The following CSMD3 variants were observed in gnomAD, a reference collection of about 807,000 sequenced individuals.
CSMD3 encodes CUB and sushi domain-containing protein 3.
In CSMD3, 177 loss-of-function variants were observed where a neutral mutation model predicts 435.2. The observed-to-expected ratio is 0.41, with a 90% CI of 0.36 to 0.46. The LOEUF is 0.46. Ranked by LOEUF, CSMD3 falls within the 20% of genes least tolerant of loss-of-function variation. The pLI is 0.34. For synonymous variants in CSMD3, 1,656 were observed against 1,520.5 expected (o/e 1.09, Z -2.07); for missense variants, 4,265 against 4,504.6 (o/e 0.95, Z 1.52).
chr8:112,590,310 G>A (rs1831074320), intron 22 of CSMD3, among the ~76,000 whole-genome samples: 1 of 152,028 alleles, frequency 6.6e-6, no homozygotes, highest in Admixed American at 6.6e-5. Context: ...GACCTGTCCT[G>A]AATAGCCAGG....
At chr8:112,246,449 T>G (rs1188417354) in intron 64 of CSMD3, among the ~76,000 whole-genome samples, 1 of 152,222 alleles carries the variant, frequency 6.6e-6, no homozygotes, top group African/African-American at 2.4e-5. Flanking sequence ...AGAATTCATT[T>G]CTAATTGTAT....
chr8:113,217,370 ATTC>A (rs2092917340), intron 3 of CSMD3, among the ~76,000 whole-genome samples: 1 of 151,632 alleles, frequency 6.6e-6, no homozygotes, highest in African/African-American at 2.4e-5. Context: ...ACAAAATAGG[ATTC>A]AACAGAAACA....
intron 32 of CSMD3, among the ~76,000 whole-genome samples, chr8:112,409,253 A>T (rs7840922): frequency 0.45 from 68,919 of 151,904 alleles, 16,148 homozygotes; most frequent in Middle Eastern, 0.6. Context: ...GCAATAAAAT[A>T]TTAAGACAAC....
chr8:112,233,345 A>G (rs1160310075), intron 68 of CSMD3, among the ~76,000 whole-genome samples: 1 of 152,146 alleles, frequency 6.6e-6, no homozygotes, highest in South Asian at 2.1e-4. Context: ...CAGACATTAT[A>G]CTCTGGGTAT....
At chr8:113,347,305 C>A (rs1231979552) in intron 1 of CSMD3, among the ~76,000 whole-genome samples, 1 of 152,094 alleles carries the variant, frequency 6.6e-6, no homozygotes, top group African/African-American at 2.4e-5. Flanking sequence ...CCCTACCCAT[C>A]TTAACCTAGT....
In CSMD3 at chr8:112,874,996, C is replaced by G. The variant is rs2081239672; in HGVS notation, c.1634-15730G>C. Among the ~76,000 whole-genome samples, 4 of 152,088 alleles carry G rather than the reference C, an allele frequency of 2.6e-5. No homozygotes were observed. The South Asian group carries it at 8.3e-4, about 31-fold the overall frequency. On this transcript the variant is annotated intron_variant, in intron 10 of 70. Transcript: ENST00000297405. Reference sequence around the variant, plus strand: ...TGGTTATTTTGTTCATTAGTTGATGCAGTTTCTTCATAGTGTCGATGGACT... The same window carrying G: ...TGGTTATTTTGTTCATTAGTTGATGGAGTTTCTTCATAGTGTCGATGGACT...
At chr8:112,766,252 A>C (rs1031670783) in intron 13 of CSMD3, among the ~76,000 whole-genome samples, 8 of 151,768 alleles carry the variant, frequency 5.3e-5, no homozygotes, top group African/African-American at 1.9e-4. Context: ...TACTGAAAAA[A>C]TTAATGGTAA....
chr8:112,829,970 T>A (rs1036403137), intron 11 of CSMD3, among the ~76,000 whole-genome samples, 181 bp from the exon 12 acceptor site: 1 of 151,922 alleles, frequency 6.6e-6, no homozygotes, highest in Admixed American at 6.6e-5. Flanking sequence ...TTTCATAGTA[T>A]GGCAGCAAGT....
At chr8:113,192,251 T>C (rs2092596774) in intron 3 of CSMD3, among the ~76,000 whole-genome samples, 1 of 151,776 alleles carries the variant, frequency 6.6e-6, no homozygotes, top group Admixed American at 6.6e-5. Flanking sequence ...TCTGGCACTT[T>C]GAATTTGAGC....
chr8:112,830,849 C>T (rs185276004), intron 11 of CSMD3, among the ~76,000 whole-genome samples: 210 of 149,024 alleles, frequency 1.4e-3, no homozygotes, highest in East Asian at 4.7e-3. Context: ...TGCACTGGCG[C>T]GATCTTGGCT....
intron 2 of CSMD3, 164 bp downstream of exon 2, chr8:113,314,407 A>C (rs761369247): frequency 3.9e-5 from 24 of 618,892 alleles, no homozygotes; most frequent in Non-Finnish European, 6.3e-5. Context: ...AGAGACACCA[A>C]GCTAATTTGT....
chr8:112,481,996 C>G (rs577087300), intron 31 of CSMD3, among the ~76,000 whole-genome samples: 3 of 151,760 alleles, frequency 2.0e-5, no homozygotes, highest in Non-Finnish European at 4.4e-5. Context: ...TTTCACACTT[C>G]TTTTTAATAC....
At chr8:113,325,024 C>T (rs569438225) in intron 1 of CSMD3, among the ~76,000 whole-genome samples, 1 of 152,322 alleles carries the variant, frequency 6.6e-6, no homozygotes, top group African/African-American at 2.4e-5. Flanking sequence ...TTTGGAACAG[C>T]TGTATTTACC....
At chr8:113,312,883 T>C (rs927193644) in intron 2 of CSMD3, 2 of 151,892 alleles carry the variant, frequency 1.3e-5, no homozygotes, top group African/African-American at 4.8e-5. Context: ...TATGTATGAG[T>C]TTACAATGTA....
chr8:112,248,183 T>A (rs1476896702), intron 63 of CSMD3, among the ~76,000 whole-genome samples: 1 of 152,116 alleles, frequency 6.6e-6, no homozygotes, highest in Non-Finnish European at 1.5e-5. Context: ...TTATTTGTAT[T>A]GAAATCTGTT....
At chr8:112,846,483 T>C (rs1193336714) in intron 11 of CSMD3, among the ~76,000 whole-genome samples, 1 of 151,664 alleles carries the variant, frequency 6.6e-6, no homozygotes, top group African/African-American at 2.4e-5. Flanking sequence ...AGCTCATCCA[T>C]CCTTAAACTC....
intron 41 of CSMD3, among the ~76,000 whole-genome samples, chr8:112,343,358 T>A (rs1414112113): frequency 6.6e-6 from 1 of 152,102 alleles, no homozygotes; most frequent in South Asian, 2.1e-4. Flanking sequence ...ATTCTATCAA[T>A]GGACATAGAA....
intron 41 of CSMD3, among the ~76,000 whole-genome samples, chr8:112,343,469 G>A (rs559961773): frequency 1.3e-5 from 2 of 152,052 alleles, no homozygotes; most frequent in South Asian, 2.1e-4. Flanking sequence ...TCTCAATAAC[G>A]TTCTGCTTTC....
intron 13 of CSMD3, among the ~76,000 whole-genome samples, chr8:112,769,214 C>G (rs2078053817): frequency 6.6e-6 from 1 of 151,920 alleles, no homozygotes; most frequent in Non-Finnish European, 1.5e-5. Context: ...CTCAATATAT[C>G]AGCCAGAGTG....
Sources: gnomAD v4.1 joint callset for allele counts (sites outside exome capture counted in the v4.1 genomes callset) on GRCh38, gnomAD v4.1.1 for gene constraint, MANE v1.5 for transcripts, NCBI Gene and HGNC (gene_info 2026-07-23, HGNC 2026-07-21) for gene names.